Variants in AKAP8 observed in about 807,000 individuals in gnomAD.
AKAP8 encodes A-kinase anchor protein 8.
In AKAP8, 24 loss-of-function variants were observed where a neutral mutation model predicts 67.5. The observed-to-expected ratio is 0.36, with a 90% CI of 0.26 to 0.50. The LOEUF (loss-of-function observed/expected upper bound fraction) is 0.50, where lower values mean the gene tolerates loss of function less well. AKAP8 is among the 20% of genes least tolerant of loss of function. The pLI is 0.97. For missense variants in AKAP8, 971 were observed against 955.9 expected, an observed-to-expected ratio of 1.02 and a Z score of -0.21; for synonymous variants, 400 against 371.1, an observed-to-expected ratio of 1.08 and a Z score of -0.90.
chr19:15,361,400 G>A (rs577778047), intron 11 of AKAP8: 7 of 239,328 alleles, frequency 2.9e-5, no homozygotes, highest in Admixed American at 2.1e-4. Context: ...GCCTAGGCTG[G>A]AGTGCAGTGG....
intron 5 of AKAP8, 116 bp downstream of exon 5, chr19:15,372,735 G>C: frequency 7.5e-7 from 1 of 1,333,094 alleles, no homozygotes; most frequent in East Asian, 2.6e-5. Context: ...TTAACTAAAA[G>C]TCGAACTGCG....
chr19:15,372,144 G>A (rs1967168910), intron 6 of AKAP8, 74 bp downstream of exon 6: 1 of 1,607,990 alleles, frequency 6.2e-7, no homozygotes, highest in Non-Finnish European at 8.5e-7. Flanking sequence ...CGACACAGAT[G>A]GGGCAAGCAG....
Position 15,353,927 on chromosome 19 carries a change from TTTA to T in AKAP8, c.*985_*987del, listed in dbSNP as rs1782159361. On this transcript the variant is annotated 3_prime_UTR_variant, in exon 14 of 14. Transcript: ENST00000269701. ...CTCTAAAATGAAACATATATTTCAT[TTTA>T]TATATATATATATATATTACAGATA... 1 of 54,680 alleles carries T rather than the reference TTTA, an allele frequency of 1.8e-5. No individual in the cohort carries two copies. The highest frequency in any genetic ancestry group is 3.7e-5 in the Non-Finnish European group (1 of 26,980). 3.4% of individuals were successfully genotyped at this position (54,680 alleles called of 1,614,324 possible). A position where few individuals can be genotyped will look rare whatever the true frequency, so the allele number is the denominator to read the frequency against.
chr19:15,354,108 C>T lies in AKAP8; in HGVS notation c.*807G>A, dbSNP rs945742648. The T allele has an allele frequency of 5.1e-4, 77 of 151,836 alleles. No individual in the cohort carries two copies. Among genetic ancestry groups the T allele is most frequent in the African/African-American group, 1.8e-3 (74 of 41,328 alleles). 9.4% of individuals were successfully genotyped at this position (151,836 alleles called of 1,614,324 possible). ...AAGCTATCCTCTCACCACGGCCTCCCGAAGTGCTGGGATTATAGGTATGCA... is the reference window on the plus strand; with the variant it reads ...AAGCTATCCTCTCACCACGGCCTCCTGAAGTGCTGGGATTATAGGTATGCA... On this transcript the variant is annotated 3_prime_UTR_variant, in exon 14 of 14. Transcript: ENST00000269701.
chr19:15,364,207 G>T (rs1967033334), intron 9 of AKAP8, among the ~76,000 whole-genome samples: 1 of 137,028 alleles, frequency 7.3e-6, no homozygotes, highest in Admixed American at 8.0e-5. Context: ...TGTTGCCGAG[G>T]CTGGAGTGCA....
At position 15,373,055 on chromosome 19, in the gene AKAP8, G is replaced by C; in HGVS notation, c.657C>G (p.Pro219=). ...PFVPPAASSE[P]LSTPWNELNY... ...TCAGCTCGTTCCAGGGCGTGGACAGGGGCTCAGAGGACGCAGCGGGGGGCA... is the reference window on the plus strand; with the variant it reads ...TCAGCTCGTTCCAGGGCGTGGACAGCGGCTCAGAGGACGCAGCGGGGGGCA... Residue 219 remains proline, a synonymous_variant, in exon 5 of 14, where the codon CCC becomes CCG. Transcript: ENST00000269701. 1 of 1,605,136 alleles carries C rather than the reference G, an allele frequency of 6.2e-7. No individual in the cohort carries two copies. Among genetic ancestry groups the C allele is most frequent in the Non-Finnish European group, 8.5e-7 (1 of 1,174,876 alleles).
rs558459946 is a variant in AKAP8, at chr19:15,368,193, C to T, written c.1160+42G>A. 3.4e-5 allele frequency: 54 copies of T among 1,605,842 alleles called. 1 individual carries two copies. The highest frequency in any genetic ancestry group is 1.7e-4 in the Middle Eastern group (1 of 6,060). ...TGAGCTCGGCAGCGCCTCCACCGCA[C>T]GAGTCCACCTCCTCCTGTGGGGTCG... is the stretch of plus-strand genomic sequence containing the variant. On this transcript the variant is annotated intron_variant, in intron 9 of 13. Coordinates refer to ENST00000269701, the MANE Select transcript of AKAP8 (RefSeq NM_005858.4).
Position 15,373,941 on chromosome 19 carries a change from G to A in AKAP8, c.216C>T (p.Ala72=), listed in dbSNP as rs144379474. 51 of 1,613,776 alleles carry A rather than the reference G, an allele frequency of 3.2e-5. No individual in the cohort carries two copies. In the African/African-American group the frequency reaches 6.5e-4, roughly 21 times the overall value. Reference sequence around the variant, plus strand: ...CGTAAGAGGCCATGTGCATGGCAGGGGCCCCGGCCGCCAGGCCGCCATCAT... The same window carrying A: ...CGTAAGAGGCCATGTGCATGGCAGGAGCCCCGGCCGCCAGGCCGCCATCAT... ...KANDGGLAAG[A]PAMHMASYGP... Residue 72 remains alanine, a synonymous_variant, in exon 4 of 14, where the codon GCC becomes GCT. Transcript: ENST00000269701.
At chr19:15,378,547 G>A (rs983509543) in intron 1 of AKAP8, among the ~76,000 whole-genome samples, 31 of 152,306 alleles carry the variant, frequency 2.0e-4, no homozygotes, top group African/African-American at 7.5e-4. Flanking sequence ...CCCAGGCTGC[G>A]GAAGACCAGG....
intron 8 of AKAP8, 77 bp from the exon 9 acceptor site, chr19:15,368,399 T>C (rs1451033954): frequency 6.2e-7 from 1 of 1,604,388 alleles, no homozygotes; most frequent in Non-Finnish European, 8.5e-7. Context: ...GTCGGGGGGC[T>C]GCAGCTTGGC....
intron 1 of AKAP8, among the ~76,000 whole-genome samples, chr19:15,377,511 C>T (rs1599575497): frequency 6.6e-6 from 1 of 152,188 alleles, no homozygotes; most frequent in Admixed American, 6.5e-5. Context: ...CTCTGTTGCC[C>T]AGGTTAGAGC....
chr19:15,363,367 C>T (rs1230091865), intron 9 of AKAP8, among the ~76,000 whole-genome samples: 1 of 137,104 alleles, frequency 7.3e-6, no homozygotes, highest in Non-Finnish European at 1.6e-5. Flanking sequence ...GGGGGGTCAG[C>T]CCCCCGCCCG....
chr19:15,377,782 T>G (rs1159800056), intron 1 of AKAP8, among the ~76,000 whole-genome samples: 1 of 152,188 alleles, frequency 6.6e-6, no homozygotes, highest in Non-Finnish European at 1.5e-5. Flanking sequence ...CTGCCACTTT[T>G]AAGGCCTCCA....
chr19:15,370,447 C>T (rs1967135768), intron 7 of AKAP8, among the ~76,000 whole-genome samples: 1 of 152,172 alleles, frequency 6.6e-6, no homozygotes, highest in Non-Finnish European at 1.5e-5. Context: ...TCGGTTCCTC[C>T]TAAGCTGCAG....
At chr19:15,379,550 A>G (rs1013368562) in intron 1 of AKAP8, 163 bp downstream of exon 1, 18 of 694,998 alleles carry the variant, frequency 2.6e-5, no homozygotes, top group South Asian at 4.9e-5. Context: ...ACGGCGCCAA[A>G]GCCCAATGAG....
Position 15,371,993 on chromosome 19 carries a change from C to T in AKAP8, c.997G>A (p.Ala333Thr), listed in dbSNP as rs1967166250. ...TCTCCTGAGCGGAAGTCACCAGCTG[C>T]GTCATCTGCCAGACACAAAGAAAGG... ...SEGDFSENDD[A>T]AGDFRSGDEE... Residue 333 changes from alanine (A) to threonine (T), a missense_variant, in exon 7 of 14, where the codon GCA becomes ACA. Ala to Thr is a moderately conservative substitution (Grantham distance 58). Transcript: ENST00000269701. The T allele has an allele frequency of 2.5e-6, 4 of 1,613,976 alleles. No homozygotes were observed. Among genetic ancestry groups the T allele is most frequent in the South Asian group, 1.1e-5 (1 of 91,068 alleles).
chr19:15,360,202 C>G (rs1410214568), intron 12 of AKAP8, among the ~76,000 whole-genome samples: 1 of 151,896 alleles, frequency 6.6e-6, no homozygotes, highest in Non-Finnish European at 1.5e-5. Flanking sequence ...AAACACAGTA[C>G]TGTGAGATGG....
At chr19:15,361,290 C>T (rs1390535491) in intron 11 of AKAP8, among the ~76,000 whole-genome samples, 1 of 151,144 alleles carries the variant, frequency 6.6e-6, no homozygotes, top group Non-Finnish European at 1.5e-5. Context: ...TGCTGCTGAG[C>T]GCTCTTCCCA....
chr19:15,362,076 A>G (rs1966975789), intron 10 of AKAP8, 34 bp downstream of exon 10: 1 of 1,611,030 alleles, frequency 6.2e-7, no homozygotes, highest in African/African-American at 1.3e-5. Flanking sequence ...GGGATGGGCA[A>G]GAGACGCGGT....
Sources: allele counts gnomAD v4.1 joint callset (sites outside exome capture counted in the v4.1 genomes callset), GRCh38; gene constraint gnomAD v4.1.1; transcripts MANE v1.5; gene names NCBI Gene and HGNC (gene_info 2026-07-23, HGNC 2026-07-21).